The following POU2AF3 variants were observed in gnomAD, a reference collection of about 807,000 sequenced individuals.
POU2AF3 encodes the protein POU class 2 homeobox associating factor 3, also known as cancer susceptibility candidate 13.
At chr11:111,298,826 G>GGGGGGGGGGGGGC in the POU2AF3 span, 14 of 790,956 alleles carry the variant, frequency 1.8e-5, no homozygotes, top group South Asian at 6.7e-5. Flanking sequence ...CGTACCCCAG[G>GGGGGGGGGGGGGC]CCCCCGCCCG....
At chr11:111,301,664 A>G in the POU2AF3 span, among the ~76,000 whole-genome samples, 1 of 152,160 alleles carries the variant, frequency 6.6e-6, no homozygotes, top group African/African-American at 2.4e-5. Context: ...TCCTCAAGCA[A>G]ATTACCCAAT....
At chr11:111,308,540 C>G in the POU2AF3 span, 1 of 1,230,530 alleles carries the variant, frequency 8.1e-7, no homozygotes, top group Non-Finnish European at 1.1e-6. Context: ...ATATCCCAAG[C>G]ACAGTTTACA....
chr11:111,298,842 C>CCCCCAAAA, the POU2AF3 span: 1 of 1,184,716 alleles, frequency 8.4e-7, no homozygotes, highest in Non-Finnish European at 1.0e-6. Flanking sequence ...GCCCGCCCTC[C>CCCCCAAAA]CACGTATCCA....
chr11:111,298,825 G>GGGGGGGGGGCC, the POU2AF3 span: 3 of 852,674 alleles, frequency 3.5e-6, no homozygotes, highest in South Asian at 6.2e-5. Flanking sequence ...GCGTACCCCA[G>GGGGGGGGGGCC]GCCCCCGCCC....
At chr11:111,305,122 T>C in the POU2AF3 span, 3 of 434,162 alleles carry the variant, frequency 6.9e-6, no homozygotes, top group African/African-American at 6.1e-5. Context: ...GAAAAAGGCA[T>C]AGTCACTCCA....
chr11:111,299,650 C>T, the POU2AF3 span: 2 of 1,229,896 alleles, frequency 1.6e-6, no homozygotes, highest in Non-Finnish European at 2.0e-6. Context: ...ACGGCTTTCC[C>T]CAGCTCGCGC....
chr11:111,299,758 G>A, the POU2AF3 span: 2 of 1,222,330 alleles, frequency 1.6e-6, no homozygotes, highest in Non-Finnish European at 2.0e-6. Flanking sequence ...GAGAGTAGGA[G>A]CGGGGGCGAA....
chr11:111,308,501 C>T, the POU2AF3 span: 1 of 1,437,446 alleles, frequency 7.0e-7, no homozygotes, highest in Non-Finnish European at 9.2e-7. Flanking sequence ...GTCTAGATGA[C>T]ACTGCAAAAT....
At chr11:111,305,071 T>G in the POU2AF3 span, 6 of 731,224 alleles carry the variant, frequency 8.2e-6, no homozygotes, top group East Asian at 2.0e-4. Context: ...GGGGTTAAGA[T>G]AGGCACCACC....
At chr11:111,308,196 G>A in the POU2AF3 span, 4 of 1,551,848 alleles carry the variant, frequency 2.6e-6, no homozygotes, top group East Asian at 4.9e-5. Context: ...ACCAGAACCT[G>A]TGGCTACCCC....
At chr11:111,300,245 C>T in the POU2AF3 span, 10 of 316,132 alleles carry the variant, frequency 3.2e-5, no homozygotes, top group Non-Finnish European at 5.2e-5. Flanking sequence ...AGCAGAAAAA[C>T]CCGTTTGCTA....
chr11:111,308,185 C>T, the POU2AF3 span: 3 of 1,551,798 alleles, frequency 1.9e-6, no homozygotes, highest in Non-Finnish European at 2.6e-6. Context: ...CTTCTCTGGA[C>T]ACCAGAACCT....
chr11:111,308,617 A>G, the POU2AF3 span: 2 of 502,520 alleles, frequency 4.0e-6, no homozygotes, highest in East Asian at 3.4e-5. Context: ...TCACAGCGCC[A>G]CTCCTACTTT....
At chr11:111,300,722 A>G in the POU2AF3 span, 1 of 509,494 alleles carries the variant, frequency 2.0e-6, no homozygotes, top group Non-Finnish European at 3.0e-6. Flanking sequence ...CGCACTCACC[A>G]TTCCCAGACC....
the POU2AF3 span, chr11:111,299,229 G>A: frequency 1.0e-6 from 1 of 985,136 alleles, no homozygotes; most frequent in Non-Finnish European, 1.2e-6. Context: ...GCAGTGACCA[G>A]GCGAGGCGCT....
chr11:111,299,609 C>G, the POU2AF3 span: 9 of 1,224,944 alleles, frequency 7.3e-6, no homozygotes, highest in South Asian at 1.7e-4. Context: ...GGCGGCCTCC[C>G]GGCGGAGTGC....
chr11:111,298,941 G>A, the POU2AF3 span: 13 of 1,040,114 alleles, frequency 1.2e-5, no homozygotes, highest in Non-Finnish European at 1.5e-5. Context: ...GCCTGGGACG[G>A]GGGCAGAGCG....
chr11:111,308,686 C>A, the POU2AF3 span: 1 of 322,796 alleles, frequency 3.1e-6, no homozygotes, highest in Non-Finnish European at 5.6e-6. Flanking sequence ...TTTTGTATAA[C>A]GAACAAATGC....
chr11:111,306,256 G>A, the POU2AF3 span: 1 of 451,612 alleles, frequency 2.2e-6, no homozygotes, highest in Non-Finnish European at 3.8e-6. Flanking sequence ...AGTCAAAATT[G>A]CATTCCCGTT....
Sources: gnomAD v4.1 joint callset for allele counts (sites outside exome capture counted in the v4.1 genomes callset) on GRCh38, gnomAD v4.1.1 for gene constraint, MANE v1.5 for transcripts, NCBI Gene and HGNC (gene_info 2026-07-23, HGNC 2026-07-21) for gene names.